The following SOX6 variants were observed in gnomAD, a reference collection of about 807,000 sequenced individuals.
SOX6 encodes the protein SRY-box transcription factor 6.
SOX6 carries 11 observed loss-of-function variants against 97.8 expected under a neutral mutation model. That is an observed-to-expected ratio of 0.11 (90% CI 0.07 to 0.19). The LOEUF is 0.19. Ranked by LOEUF, SOX6 falls within the 10% of genes least tolerant of loss-of-function variation. The probability of loss-of-function intolerance (pLI) is 1.00; values close to 1 mark genes in which losing one functional copy is unlikely to be tolerated. For missense variants in SOX6, 810 were observed against 1,039.5 expected (o/e 0.78, Z 3.04); for synonymous variants, 360 against 371.4 (o/e 0.97, Z 0.35).
intron 4 of SOX6, among the ~76,000 whole-genome samples, chr11:16,590,046 T>C (rs1848132436): frequency 6.6e-6 from 1 of 152,158 alleles, no homozygotes; most frequent in Admixed American, 6.6e-5. Flanking sequence ...TACATTCCCT[T>C]AACTAAAAAT....
chr11:16,464,618 T>A (rs1265133522), intron 1 of SOX6, among the ~76,000 whole-genome samples: 1 of 152,106 alleles, frequency 6.6e-6, no homozygotes, highest in Non-Finnish European at 1.5e-5. Context: ...ATTAGAAACC[T>A]AATTCACCTG....
At chr11:16,550,613 A>C (rs1847672782) in intron 4 of SOX6, among the ~76,000 whole-genome samples, 1 of 152,126 alleles carries the variant, frequency 6.6e-6, no homozygotes, top group Non-Finnish European at 1.5e-5. Flanking sequence ...AATTAACCTT[A>C]TTTTTAAAAA....
chr11:16,484,616 C>T, intron 4 of SOX6: 1 of 676,606 alleles, frequency 1.5e-6, no homozygotes. Context: ...CTTCCAGGTG[C>T]CCAGCCCCAG....
chr11:16,631,925 G>A (rs1848712537), intron 3 of SOX6, among the ~76,000 whole-genome samples: 1 of 152,108 alleles, frequency 6.6e-6, no homozygotes, highest in South Asian at 2.1e-4. Flanking sequence ...TTTTTCAATT[G>A]CAGAAGCTCT....
chr11:16,522,032 T>G (rs929263229), intron 4 of SOX6, among the ~76,000 whole-genome samples: 2 of 152,106 alleles, frequency 1.3e-5, no homozygotes, highest in South Asian at 2.1e-4. Context: ...ACAGGAAGAA[T>G]GGAACCAAGT....
intron 9 of SOX6, among the ~76,000 whole-genome samples, chr11:16,087,080 G>C (rs1179382428): frequency 6.6e-6 from 1 of 152,060 alleles, no homozygotes; most frequent in Non-Finnish European, 1.5e-5. Context: ...TTGTTTACTA[G>C]AATAGTAATC....
intron 4 of SOX6, among the ~76,000 whole-genome samples, chr11:16,562,992 T>G (rs913790368): frequency 6.6e-6 from 1 of 151,610 alleles, no homozygotes; most frequent in Non-Finnish European, 1.5e-5. Context: ...AGAACCAGAG[T>G]GTCATAATAA....
chr11:16,533,682 A>G (rs1283056196), intron 4 of SOX6, among the ~76,000 whole-genome samples: 1 of 152,080 alleles, frequency 6.6e-6, no homozygotes. Context: ...ACGTTTGAAC[A>G]GGAGAGAGAG....
chr11:16,081,794 C>A (rs1848477358), intron 9 of SOX6, among the ~76,000 whole-genome samples: 2 of 152,190 alleles, frequency 1.3e-5, no homozygotes, highest in Admixed American at 1.3e-4. Context: ...AGCAACCCAG[C>A]ATGAAACTCT....
intron 6 of SOX6, among the ~76,000 whole-genome samples, chr11:16,164,733 G>A (rs772989226): frequency 6.6e-6 from 1 of 151,376 alleles, no homozygotes; most frequent in Non-Finnish European, 1.5e-5. Context: ...TAAGGCAGGA[G>A]AATCACTTGA....
intron 3 of SOX6, among the ~76,000 whole-genome samples, chr11:16,671,292 G>A (rs1590046478): frequency 1.3e-5 from 2 of 152,298 alleles, no homozygotes; most frequent in Admixed American, 1.3e-4. Context: ...TTCTTAACCA[G>A]GCTGAGCTGG....
chr11:16,369,995 T>A (rs528024748), intron 1 of SOX6, among the ~76,000 whole-genome samples: 250 of 152,154 alleles, frequency 1.6e-3, no homozygotes, highest in Non-Finnish European at 3.1e-3. Flanking sequence ...GCCCTCCCAA[T>A]ACCAGCTGCC....
chr11:16,317,984 A>G (rs1398882762), intron 3 of SOX6: 2 of 453,146 alleles, frequency 4.4e-6, no homozygotes, highest in Non-Finnish European at 8.9e-6. Flanking sequence ...CAATGTTTGA[A>G]GCCCTCTAAC....
At chr11:16,246,417 T>A (rs1226194319) in intron 3 of SOX6, among the ~76,000 whole-genome samples, 2 of 151,878 alleles carry the variant, frequency 1.3e-5, no homozygotes, top group Non-Finnish European at 2.9e-5. Context: ...TTTTTTAAAA[T>A]TTTTAAAATT....
intron 2 of SOX6, among the ~76,000 whole-genome samples, chr11:16,731,678 T>TG (rs1848351272): frequency 6.7e-6 from 1 of 150,076 alleles, no homozygotes; most frequent in Non-Finnish European, 1.5e-5. Flanking sequence ...TCCTTTGAAA[T>TG]GCACAAGACA....
intron 15 of SOX6, among the ~76,000 whole-genome samples, chr11:15,981,106 C>T (rs1308770703): frequency 6.6e-6 from 1 of 152,030 alleles, no homozygotes; most frequent in Non-Finnish European, 1.5e-5. Context: ...CTTTGTCTAT[C>T]AGAAATTGCT....
chr11:16,138,912 G>A (rs887688750), intron 6 of SOX6, among the ~76,000 whole-genome samples: 9 of 152,064 alleles, frequency 5.9e-5, no homozygotes, highest in Non-Finnish European at 8.8e-5. Context: ...AGTATTACAC[G>A]GTGTATATGT....
chr11:16,389,690 C>T (rs1858102085), intron 1 of SOX6, among the ~76,000 whole-genome samples: 1 of 151,880 alleles, frequency 6.6e-6, no homozygotes, highest in Non-Finnish European at 1.5e-5. Context: ...AGCTTACGGC[C>T]GGGTGCGGTG....
chr11:16,645,854 G>A (rs1188847565), intron 3 of SOX6: 1 of 152,048 alleles, frequency 6.6e-6, no homozygotes, highest in East Asian at 1.9e-4. Context: ...AAACCATCCA[G>A]TTTGTGGTAC....
Sources: allele counts gnomAD v4.1 joint callset (sites outside exome capture counted in the v4.1 genomes callset), GRCh38; gene constraint gnomAD v4.1.1; transcripts MANE v1.5; gene names NCBI Gene and HGNC (gene_info 2026-07-23, HGNC 2026-07-21).